The following LINS1 variants were observed in gnomAD, a reference collection of about 807,000 sequenced individuals.
LINS1 encodes the protein protein Lines homolog 1.
A neutral mutation model predicts 41.6 loss-of-function variants in LINS1; 27 were observed. The observed-to-expected ratio is 0.65, with a 90% CI of 0.48 to 0.89. The LOEUF is 0.89. Ranked by LOEUF, LINS1 falls within the 40% of genes least tolerant of loss-of-function variation. The probability of loss-of-function intolerance (pLI) is 0.00; values close to 1 mark genes in which losing one functional copy is unlikely to be tolerated. For synonymous variants in LINS1, 336 were observed against 312.9 expected, an observed-to-expected ratio of 1.07 and a Z score of -0.78; for missense variants, 955 against 884.1, an observed-to-expected ratio of 1.08 and a Z score of -1.02.
Position 100,568,987 on chromosome 15 carries a change from G to T in LINS1, c.*251C>A, listed in dbSNP as rs991140203. On this transcript the variant is annotated 3_prime_UTR_variant, in exon 7 of 7. Coordinates refer to ENST00000314742, the MANE Select transcript of LINS1 (RefSeq NM_001040616.3). ...AAAAATACAAAAATTAGCTGGGCGT[G>T]GTGGCGGGCACCTGTAATTCCAGCT... is the stretch of plus-strand genomic sequence containing the variant. 14 of 340,152 alleles carry T rather than the reference G, an allele frequency of 4.1e-5. No homozygotes were observed. Among genetic ancestry groups the T allele is most frequent in the African/African-American group, 2.8e-4 (13 of 46,800 alleles). 21.1% of individuals were successfully genotyped at this position (340,152 alleles called of 1,614,324 possible).
Position 100,575,168 on chromosome 15 carries a change from A to G in LINS1, c.490-40T>C, listed in dbSNP as rs374717259. The G allele has an allele frequency of 1.0e-5, 16 of 1,559,388 alleles. No individual in the cohort carries two copies. In the African/African-American group the frequency reaches 1.9e-4, roughly 18 times the overall value. On this transcript the variant is annotated intron_variant, in intron 3 of 6. Transcript: ENST00000314742. ...ATAAAGCAAGCAGTTAAAATACAATATTTTCTTTACATAATACAACTGTAT... is the reference window on the plus strand; with the variant it reads ...ATAAAGCAAGCAGTTAAAATACAATGTTTTCTTTACATAATACAACTGTAT...
intron 3 of LINS1, among the ~76,000 whole-genome samples, chr15:100,576,272 C>T (rs1172196264): frequency 5.3e-5 from 8 of 151,978 alleles, no homozygotes; most frequent in South Asian, 2.1e-4. Context: ...ATTGATAAAC[C>T]GTTAGCAAGA....
At chr15:100,594,641 C>T in intron 1 of LINS1, among the ~76,000 whole-genome samples, 1 of 152,124 alleles carries the variant, frequency 6.6e-6, no homozygotes, top group East Asian at 1.9e-4. Flanking sequence ...AAATATTTGA[C>T]ACGGTACATT....
At chr15:100,572,894 T>C (rs12592745) in intron 5 of LINS1, 270,211 of 680,014 alleles carry the variant, frequency 0.4, 54,836 homozygotes, top group Non-Finnish European at 0.42. Context: ...GAAACACTAA[T>C]TGTATGAAGG....
At chr15:100,575,228 T>C (rs1328277856) in intron 3 of LINS1, 100 bp from the exon 4 acceptor site, 1 of 1,028,818 alleles carries the variant, frequency 9.7e-7, no homozygotes, top group Non-Finnish European at 1.5e-6. Flanking sequence ...AAAAGAAGTA[T>C]GATAATATGT....
intron 1 of LINS1, among the ~76,000 whole-genome samples, chr15:100,590,945 G>A (rs1036144490): frequency 2.6e-5 from 4 of 152,136 alleles, no homozygotes; most frequent in Non-Finnish European, 2.9e-5. Context: ...TTGGGAGGCC[G>A]AGGCGGGCAG....
Position 100,572,587 on chromosome 15 carries a change from C to T in LINS1, c.1223-522G>A, listed in dbSNP as rs978867551. The T allele has an allele frequency of 1.5e-5, 15 of 992,404 alleles. No homozygotes were observed. The South Asian group carries it at 5.1e-4, about 33-fold the overall frequency. 61.5% of individuals were successfully genotyped at this position (992,404 alleles called of 1,614,324 possible). A position where few individuals can be genotyped will look rare whatever the true frequency, so the allele number is the denominator to read the frequency against. ...TTAAAACTGAATTATATAACAGGTG[C>T]CATCTAGTGTTATAAATTAAAACTG... On this transcript the variant is annotated intron_variant, in intron 5 of 6. Transcript: ENST00000314742.
At chr15:100,591,726 G>A (rs2039045919) in intron 1 of LINS1, among the ~76,000 whole-genome samples, 1 of 152,164 alleles carries the variant, frequency 6.6e-6, no homozygotes, top group South Asian at 2.1e-4. Flanking sequence ...TCAAGCTTCA[G>A]ATGATCATGC....
intron 1 of LINS1, among the ~76,000 whole-genome samples, chr15:100,594,826 G>T (rs970144891): frequency 1.3e-5 from 2 of 152,104 alleles, no homozygotes; most frequent in African/African-American, 4.8e-5. Context: ...TTTGATCTGG[G>T]GTTGGTTGAA....
rs1489556197 is a variant in LINS1, at chr15:100,568,543, C to T, written c.*695G>A. On this transcript the variant is annotated 3_prime_UTR_variant, in exon 7 of 7. Coordinates refer to ENST00000314742, the MANE Select transcript of LINS1 (RefSeq NM_001040616.3). Reference sequence around the variant, plus strand: ...GCTGCCACCAGAAGCCAGAAAGGGGCAGGGTGGGATTCTTCTCCAGACCCT... The same window carrying T: ...GCTGCCACCAGAAGCCAGAAAGGGGTAGGGTGGGATTCTTCTCCAGACCCT... 1 of 152,342 alleles carries T rather than the reference C, an allele frequency of 6.6e-6. No individual in the cohort carries two copies. Among genetic ancestry groups the T allele is most frequent in the Non-Finnish European group, 1.5e-5 (1 of 68,188 alleles). 9.4% of individuals were successfully genotyped at this position (152,342 alleles called of 1,614,324 possible).
chr15:100,580,203 T>C, intron 3 of LINS1, 60 bp downstream of exon 3: 3 of 1,312,900 alleles, frequency 2.3e-6, no homozygotes. Flanking sequence ...CCACAAAACA[T>C]TTAAATTTAA....
chr15:100,569,358 T>C lies in LINS1; in HGVS notation c.2154A>G (p.Glu718=), dbSNP rs781263458. The C allele has an allele frequency of 2.7e-5, 43 of 1,614,046 alleles. No homozygotes were observed. Among genetic ancestry groups the C allele is most frequent in the Non-Finnish European group, 3.4e-5 (40 of 1,180,036 alleles). Residue 718 remains glutamate (E), a synonymous_variant, in exon 7 of 7, where the codon GAA becomes GAG. Transcript: ENST00000314742. ...GCAAACGGCAGATGGCATCTTGTAG[T>C]TCCTGGAAGCATTTTACTATTCTGT... ...IFYRIVKCFQ[E]LQDAICRLQK...
chr15:100,586,146 T>A (rs1330016713), intron 1 of LINS1: 4 of 152,250 alleles, frequency 2.6e-5, no homozygotes, highest in Non-Finnish European at 2.9e-5. Flanking sequence ...CTCATTAAGA[T>A]AAATGCATAT....
chr15:100,579,641 T>C (rs920118614), intron 3 of LINS1, among the ~76,000 whole-genome samples: 7 of 152,170 alleles, frequency 4.6e-5, no homozygotes, highest in Admixed American at 2.6e-4. Flanking sequence ...GAGATTATAG[T>C]TGAAAAGTCA....
chr15:100,587,157 T>TG (rs1208385218), intron 1 of LINS1, among the ~76,000 whole-genome samples: 3 of 68,266 alleles, frequency 4.4e-5, no homozygotes, highest in African/African-American at 1.1e-4. Flanking sequence ...GACTCTGTCT[T>TG]AAAAAAAAAA....
At chr15:100,585,027 C>G (rs2038737369) in intron 1 of LINS1, among the ~76,000 whole-genome samples, 1 of 152,168 alleles carries the variant, frequency 6.6e-6, no homozygotes, top group East Asian at 1.9e-4. Flanking sequence ...GGCTGTCACT[C>G]TAGTGGAATG....
rs570522724 is a variant in LINS1, at chr15:100,572,588, C to G, written c.1223-523G>C. On this transcript the variant is annotated intron_variant, in intron 5 of 6. Coordinates refer to ENST00000314742, the MANE Select transcript of LINS1 (RefSeq NM_001040616.3). Reference sequence around the variant, plus strand: ...TAAAACTGAATTATATAACAGGTGCCATCTAGTGTTATAAATTAAAACTGC... The same window carrying G: ...TAAAACTGAATTATATAACAGGTGCGATCTAGTGTTATAAATTAAAACTGC... The G allele has an allele frequency of 6.5e-5, 64 of 991,626 alleles. 1 individual carries two copies. In the East Asian group the frequency reaches 6.0e-3, roughly 93 times the overall value. The allele number at this position is 991,626 out of a possible 1,614,324, so 61.4% of individuals were successfully genotyped here.
chr15:100,569,839 C>T lies in LINS1; in HGVS notation c.1673G>A (p.Gly558Asp). The change falls in exon 7 of 7, where the codon GGC (glycine) becomes GAC (aspartate). Residue 558 changes from glycine (G) to aspartate (D), a missense_variant. Gly to Asp is a moderately conservative substitution (Grantham distance 94). Transcript: ENST00000314742. ...TESKYDISIC[G>D]CVPSLVQDQS... ...GTCTTGGACAAGTGAGGGGACACAG[C>T]CACAAATACTTATGTCATATTTAGA... The T allele has an allele frequency of 6.2e-7, 1 of 1,614,082 alleles. No individual in the cohort carries two copies. The highest frequency in any genetic ancestry group is 8.5e-7 in the Non-Finnish European group (1 of 1,179,994).
chr15:100,602,017 T>G (rs770520692), intron 1 of LINS1, 104 bp downstream of exon 1: 2 of 152,240 alleles, frequency 1.3e-5, no homozygotes, highest in Non-Finnish European at 2.9e-5. Flanking sequence ...ACTCGCTTCC[T>G]GGAGCCTGCC....
Sources: allele counts gnomAD v4.1 joint callset (sites outside exome capture counted in the v4.1 genomes callset), GRCh38; gene constraint gnomAD v4.1.1; transcripts MANE v1.5; gene names NCBI Gene and HGNC (gene_info 2026-07-23, HGNC 2026-07-21).